The following TNR variants were observed in gnomAD, a reference collection of about 807,000 sequenced individuals.
TNR encodes tenascin R.
A neutral mutation model predicts 150.4 loss-of-function variants in TNR; 45 were observed. The observed-to-expected ratio is 0.30, with a 90% CI of 0.24 to 0.38. The LOEUF (loss-of-function observed/expected upper bound fraction) is 0.38, where lower values mean the gene tolerates loss of function less well. Among genes scored for constraint, TNR ranks in the 10% least tolerant of loss-of-function variants. The pLI, the probability that TNR is intolerant of heterozygous loss-of-function variation, is 1.00. For synonymous variants in TNR, 687 were observed against 678.4 expected (o/e 1.01, Z -0.20); for missense variants, 1,544 against 1,759.1 (o/e 0.88, Z 2.19).
chr1:175,588,765 C>G (rs1387250679), intron 1 of TNR, among the ~76,000 whole-genome samples: 2 of 152,156 alleles, frequency 1.3e-5, no homozygotes, highest in Non-Finnish European at 2.9e-5. Flanking sequence ...CATGAATAAA[C>G]TGGCCTCAGA....
chr1:175,434,981 C>A (rs1407072148), intron 2 of TNR, among the ~76,000 whole-genome samples: 2 of 152,214 alleles, frequency 1.3e-5, no homozygotes, highest in Non-Finnish European at 1.5e-5. Context: ...TCTGTCATTG[C>A]ACTTTTACGT....
At chr1:175,500,763 G>T (rs1347596016) in intron 2 of TNR, among the ~76,000 whole-genome samples, 1 of 152,328 alleles carries the variant, frequency 6.6e-6, no homozygotes, top group South Asian at 2.1e-4. Context: ...AAGTCTCCCT[G>T]TTCAAAGGGG....
At chr1:175,353,753 G>T (rs1179061710) in intron 18 of TNR, among the ~76,000 whole-genome samples, 5 of 152,172 alleles carry the variant, frequency 3.3e-5, no homozygotes, top group African/African-American at 1.2e-4. Context: ...TCTGATTACA[G>T]GTAGCAGAGG....
At chr1:175,383,052 T>G (rs1025645677) in intron 8 of TNR, among the ~76,000 whole-genome samples, 4 of 152,176 alleles carry the variant, frequency 2.6e-5, no homozygotes, top group Non-Finnish European at 5.9e-5. Flanking sequence ...TTTCTTGGCT[T>G]CTGGAAGAAT....
chr1:175,650,458 G>A (rs1458064231), intron 1 of TNR, among the ~76,000 whole-genome samples: 1 of 151,848 alleles, frequency 6.6e-6, no homozygotes, highest in Non-Finnish European at 1.5e-5. Flanking sequence ...TTATAACCAA[G>A]CACTCTGATG....
intron 2 of TNR, among the ~76,000 whole-genome samples, chr1:175,435,503 TTC>T (rs1655464859): frequency 6.6e-6 from 1 of 152,160 alleles, no homozygotes; most frequent in Admixed American, 6.5e-5. Context: ...GCGATTAGAA[TTC>T]CAGGAAGTCA....
At chr1:175,624,169 C>T (rs12037583) in intron 1 of TNR, among the ~76,000 whole-genome samples, 12,909 of 152,214 alleles carry the variant, frequency 0.085, 922 homozygotes, top group East Asian at 0.38. Context: ...TCCTAGCTTA[C>T]ATGGTGGTAC....
chr1:175,397,870 C>A (rs1161283917), intron 4 of TNR, among the ~76,000 whole-genome samples: 2 of 152,164 alleles, frequency 1.3e-5, no homozygotes, highest in African/African-American at 2.4e-5. Flanking sequence ...AATAATCAAG[C>A]CTTTAAGACT....
rs1571550404 is a variant in TNR at position 175,517,059 on chromosome 1, A to AGAGAGAGAG, written c.-64+11209_-64+11210insCTCTCTCTC. Among the ~76,000 whole-genome samples, 25 of 89,002 alleles carry AGAGAGAGAG rather than the reference A, an allele frequency of 2.8e-4. No individual in the cohort carries two copies. The South Asian group carries it at 3.4e-3, about 12-fold the overall frequency. 58.4% of individuals were successfully genotyped at this position (89,002 alleles called of 152,430 possible). ...AGAGAGAGAGAGAGAGAGAGAGAGA[A>AGAGAGAGAG]AGAGAGAGAGACCTTCAAATACAGC... On this transcript the variant is annotated intron_variant, in intron 2 of 22. Transcript: ENST00000367674.
chr1:175,541,066 T>C (rs1019140713), intron 1 of TNR, among the ~76,000 whole-genome samples: 4 of 152,164 alleles, frequency 2.6e-5, no homozygotes, highest in African/African-American at 9.7e-5. Context: ...TGCTGTTTCA[T>C]CTGCATAGAA....
chr1:175,512,625 G>C (rs950141123), intron 2 of TNR, among the ~76,000 whole-genome samples: 1 of 152,206 alleles, frequency 6.6e-6, no homozygotes, highest in East Asian at 1.9e-4. Context: ...GAGACTAAAA[G>C]AGTGCTAATC....
At chr1:175,611,938 A>T (rs997578131) in intron 1 of TNR, among the ~76,000 whole-genome samples, 4 of 152,240 alleles carry the variant, frequency 2.6e-5, no homozygotes, top group Non-Finnish European at 4.4e-5. Flanking sequence ...CAAAGAACCG[A>T]CAAGTAACAG....
At chr1:175,693,280 A>T (rs1666424413) in intron 1 of TNR, among the ~76,000 whole-genome samples, 1 of 152,138 alleles carries the variant, frequency 6.6e-6, no homozygotes, top group Admixed American at 6.5e-5. Context: ...AACACCCTCC[A>T]CCATCCACCT....
chr1:175,331,949 G>A (rs1649956167), intron 20 of TNR, among the ~76,000 whole-genome samples: 1 of 152,210 alleles, frequency 6.6e-6, no homozygotes, highest in Non-Finnish European at 1.5e-5. Context: ...ATAAGTCAAA[G>A]GCTGTTTGAC....
At chr1:175,332,277 G>A (rs997444453) in intron 20 of TNR, among the ~76,000 whole-genome samples, 2 of 152,172 alleles carry the variant, frequency 1.3e-5, no homozygotes, top group African/African-American at 4.8e-5. Flanking sequence ...GACCAGCTCT[G>A]AGGAGCAATT....
intron 1 of TNR, among the ~76,000 whole-genome samples, chr1:175,727,649 A>C (rs893612757): frequency 6.6e-6 from 1 of 152,210 alleles, no homozygotes; most frequent in African/African-American, 2.4e-5. Context: ...AGTGGTGATA[A>C]TTGCAGGAAC....
chr1:175,647,435 C>CAAGAAAAAAAAAAAAAAAAAAAAAAAAA (rs1664841256), intron 1 of TNR, among the ~76,000 whole-genome samples: 1 of 121,654 alleles, frequency 8.2e-6, no homozygotes, highest in African/African-American at 3.1e-5. Context: ...CTATTCGGTG[C>CAAGAAAAAAAAAAAAAAAAAAAAAAAAA]AAAAAAAAAA....
intron 1 of TNR, among the ~76,000 whole-genome samples, chr1:175,594,998 C>T: frequency 6.6e-6 from 1 of 151,698 alleles, no homozygotes; most frequent in Non-Finnish European, 1.5e-5. Flanking sequence ...AACCCTGTCT[C>T]TACTAAAAAT....
At chr1:175,497,419 G>A (rs1296429399) in intron 2 of TNR, among the ~76,000 whole-genome samples, 1 of 152,250 alleles carries the variant, frequency 6.6e-6, no homozygotes, top group Non-Finnish European at 1.5e-5. Context: ...TTTTACTGGA[G>A]CATGACAGGG....
Sources: allele counts gnomAD v4.1 joint callset (sites outside exome capture counted in the v4.1 genomes callset), GRCh38; gene constraint gnomAD v4.1.1; transcripts MANE v1.5; gene names NCBI Gene and HGNC (gene_info 2026-07-23, HGNC 2026-07-21).